TMEM132C: variants seen among roughly 807,000 people sequenced by gnomAD.
TMEM132C encodes the protein transmembrane protein 132C.
In TMEM132C, 29 loss-of-function variants were observed where a neutral mutation model predicts 61.4. The observed-to-expected ratio is 0.47, with a 90% CI of 0.35 to 0.64. The LOEUF is 0.64. TMEM132C is among the 30% of genes least tolerant of loss of function. The pLI is 0.00. For missense variants in TMEM132C, 1,408 were observed against 1,476.9 expected, an observed-to-expected ratio of 0.95 and a Z score of 0.76; for synonymous variants, 656 against 633.1, an observed-to-expected ratio of 1.04 and a Z score of -0.54.
intron 2 of TMEM132C, among the ~76,000 whole-genome samples, chr12:128,463,273 C>T (rs1593062461): frequency 6.6e-6 from 1 of 152,134 alleles, no homozygotes; most frequent in Admixed American, 6.5e-5. Flanking sequence ...CTTCTTTCAG[C>T]ATCTATGATG....
chr12:128,310,851 G>T (rs1466500574), intron 1 of TMEM132C, among the ~76,000 whole-genome samples: 3 of 152,150 alleles, frequency 2.0e-5, no homozygotes, highest in African/African-American at 7.2e-5. Flanking sequence ...ACAGTACCGT[G>T]TGTTTCAAAA....
chr12:128,436,726 T>C (rs1356087027), intron 2 of TMEM132C, among the ~76,000 whole-genome samples: 9 of 151,990 alleles, frequency 5.9e-5, no homozygotes, highest in African/African-American at 2.2e-4. Flanking sequence ...ATCATTGTGG[T>C]AGACAGTGTG....
In TMEM132C at chr12:128,299,018, A is replaced by T. The variant is rs551212276; in HGVS notation, c.85+31531A>T. Among the ~76,000 whole-genome samples, 35 of 152,328 alleles carry T rather than the reference A, an allele frequency of 2.3e-4. No individual in the cohort carries two copies. In the South Asian group the frequency reaches 7.3e-3, roughly 32 times the overall value. On this transcript the variant is annotated intron_variant, in intron 1 of 8. Transcript: ENST00000435159. ...GTGTTGGTATTTAACGCTGAGAGCA[A>T]CAGCACATGTGTGTGGGATGAATGT... is the stretch of plus-strand genomic sequence containing the variant.
At chr12:128,624,187 T>C (rs1953992863) in intron 4 of TMEM132C, among the ~76,000 whole-genome samples, 1 of 152,156 alleles carries the variant, frequency 6.6e-6, no homozygotes, top group African/African-American at 2.4e-5. Context: ...CAATGCCTCC[T>C]CCTAATGCCT....
At chr12:128,508,082 G>A (rs750630993) in intron 2 of TMEM132C, among the ~76,000 whole-genome samples, 6 of 152,050 alleles carry the variant, frequency 3.9e-5, no homozygotes, top group East Asian at 1.9e-4. Context: ...GTTTTCATGC[G>A]GCTGATGAAG....
chr12:128,683,746 C>T (rs1375766590), intron 5 of TMEM132C, among the ~76,000 whole-genome samples: 3 of 152,144 alleles, frequency 2.0e-5, no homozygotes, highest in Admixed American at 1.3e-4. Flanking sequence ...GTGGGTGGAT[C>T]ACCTGAGGTC....
At chr12:128,604,500 A>G (rs565107365) in intron 3 of TMEM132C, among the ~76,000 whole-genome samples, 82 of 151,756 alleles carry the variant, frequency 5.4e-4, no homozygotes, top group Non-Finnish European at 1.0e-3. Flanking sequence ...AGAGGGATAG[A>G]CAGATGGCTA....
chr12:128,538,488 G>T (rs1247706724), intron 2 of TMEM132C, among the ~76,000 whole-genome samples: 1 of 152,082 alleles, frequency 6.6e-6, no homozygotes, highest in Non-Finnish European at 1.5e-5. Context: ...TCAAACTCTT[G>T]GCCTCCAGGG....
chr12:128,588,040 A>G (rs34636533), intron 3 of TMEM132C, among the ~76,000 whole-genome samples: 24,243 of 152,172 alleles, frequency 0.16, 2,137 homozygotes, highest in Middle Eastern at 0.26. Context: ...AATTCTTGTA[A>G]CACCCTAGGA....
chr12:128,639,954 T>C (rs991252080), intron 4 of TMEM132C, among the ~76,000 whole-genome samples: 1 of 152,252 alleles, frequency 6.6e-6, no homozygotes, highest in Admixed American at 6.5e-5. Context: ...TTGTTGTTCA[T>C]ACTTATTGTT....
At chr12:128,564,506 T>G (rs79920528) in intron 3 of TMEM132C, among the ~76,000 whole-genome samples, 262 of 152,296 alleles carry the variant, frequency 1.7e-3, no homozygotes, top group African/African-American at 5.7e-3. Flanking sequence ...CCGTGCTGCT[T>G]CTTTGCAGGA....
intron 2 of TMEM132C, among the ~76,000 whole-genome samples, chr12:128,421,470 A>T (rs1262024388): frequency 6.6e-6 from 1 of 152,194 alleles, no homozygotes; most frequent in African/African-American, 2.4e-5. Flanking sequence ...AAACCCAAAG[A>T]CTTTCTCCAA....
chr12:128,287,893 T>C (rs970602771), intron 1 of TMEM132C, among the ~76,000 whole-genome samples: 2 of 152,196 alleles, frequency 1.3e-5, no homozygotes, highest in Non-Finnish European at 2.9e-5. Flanking sequence ...TTTAGAAGAA[T>C]GTCCCTCAAT....
chr12:128,507,230 T>C (rs1394969825), intron 2 of TMEM132C, among the ~76,000 whole-genome samples: 1 of 152,152 alleles, frequency 6.6e-6, no homozygotes, highest in Non-Finnish European at 1.5e-5. Context: ...TTATTTTTTA[T>C]TCCATTACTG....
intron 3 of TMEM132C, among the ~76,000 whole-genome samples, chr12:128,560,766 G>A (rs997471052): frequency 1.3e-5 from 2 of 152,230 alleles, no homozygotes; most frequent in East Asian, 1.9e-4. Flanking sequence ...ATGAATACAT[G>A]TATTGCTGAG....
At chr12:128,548,744 C>T (rs1426308106) in intron 3 of TMEM132C, among the ~76,000 whole-genome samples, 1 of 152,152 alleles carries the variant, frequency 6.6e-6, no homozygotes, top group Non-Finnish European at 1.5e-5. Flanking sequence ...TCACAGATTC[C>T]AGATTCTTTT....
chr12:128,694,609 C>T (rs1018255820), intron 6 of TMEM132C, among the ~76,000 whole-genome samples: 1 of 152,168 alleles, frequency 6.6e-6, no homozygotes, highest in African/African-American at 2.4e-5. Context: ...GAGTTCACAG[C>T]TTCCTGCCTG....
At chr12:128,461,844 T>C (rs2136070299) in intron 2 of TMEM132C, among the ~76,000 whole-genome samples, 1 of 152,174 alleles carries the variant, frequency 6.6e-6, no homozygotes, top group Middle Eastern at 3.4e-3. Context: ...AGAACTCCAT[T>C]CTCCAGGGGT....
chr12:128,287,484 CATATCT>C (rs5801788), intron 1 of TMEM132C, among the ~76,000 whole-genome samples: 39,002 of 149,880 alleles, frequency 0.26, 5,469 homozygotes, highest in East Asian at 0.44. Flanking sequence ...CCTCTGTCTG[CATATCT>C]ATATCTATAT....
Sources: gnomAD v4.1 joint callset for allele counts (sites outside exome capture counted in the v4.1 genomes callset) on GRCh38, gnomAD v4.1.1 for gene constraint, MANE v1.5 for transcripts, NCBI Gene and HGNC (gene_info 2026-07-23, HGNC 2026-07-21) for gene names.